FARSB: variants seen among roughly 807,000 people sequenced by gnomAD.
FARSB encodes the protein phenylalanine--tRNA ligase beta subunit.
FARSB carries 40 observed loss-of-function variants against 69.6 expected under a neutral mutation model. The observed-to-expected ratio is 0.57, with a 90% CI of 0.45 to 0.75. The LOEUF (loss-of-function observed/expected upper bound fraction) is 0.75, where lower values mean the gene tolerates loss of function less well. Among genes scored for constraint, FARSB ranks in the 30% least tolerant of loss-of-function variants. The pLI, the probability that FARSB is intolerant of heterozygous loss-of-function variation, is 0.00. For missense variants in FARSB, 632 were observed against 722.9 expected, an observed-to-expected ratio of 0.87 and a Z score of 1.44; for synonymous variants, 235 against 247.2, an observed-to-expected ratio of 0.95 and a Z score of 0.46.
intron 10 of FARSB, among the ~76,000 whole-genome samples, chr2:222,626,142 G>A (rs1417015674): frequency 2.0e-5 from 3 of 151,458 alleles, no homozygotes; most frequent in Admixed American, 6.6e-5. Flanking sequence ...CCAGCTACTC[G>A]GGAGGCTGAG....
chr2:222,600,148 C>A (rs1026153861), intron 15 of FARSB, 65 bp from the exon 16 acceptor site: 5 of 1,318,748 alleles, frequency 3.8e-6, no homozygotes, highest in Non-Finnish European at 5.1e-6. Flanking sequence ...TGATTTACCC[C>A]AGTACAAACT....
At chr2:222,613,629 G>C (rs778461813) in intron 15 of FARSB, among the ~76,000 whole-genome samples, 182 bp downstream of exon 15, 1 of 152,186 alleles carries the variant, frequency 6.6e-6, no homozygotes, top group Non-Finnish European at 1.5e-5. Context: ...AAAATAATAT[G>C]GGAAGTTGAT....
At chr2:222,587,535 CA>C (rs1475635887) in intron 16 of FARSB, among the ~76,000 whole-genome samples, 2 of 152,030 alleles carry the variant, frequency 1.3e-5, no homozygotes, top group African/African-American at 2.4e-5. Flanking sequence ...GCTAGAGACA[CA>C]AAAAACCCTT....
chr2:222,572,588 T>C (rs544127427), intron 16 of FARSB, among the ~76,000 whole-genome samples: 1 of 152,318 alleles, frequency 6.6e-6, no homozygotes, highest in East Asian at 1.9e-4. Flanking sequence ...TGACAGGCCA[T>C]GCTACCAGAA....
At chr2:222,594,819 G>A (rs1690368082) in intron 16 of FARSB, among the ~76,000 whole-genome samples, 1 of 152,196 alleles carries the variant, frequency 6.6e-6, no homozygotes, top group Non-Finnish European at 1.5e-5. Context: ...GTGAACATGA[G>A]TGGAGAGAAC....
intron 1 of FARSB, among the ~76,000 whole-genome samples, chr2:222,653,463 C>A (rs1028138435): frequency 6.6e-6 from 1 of 151,738 alleles, no homozygotes; most frequent in Non-Finnish European, 1.5e-5. Context: ...CAAGATGTAT[C>A]CATACTACTT....
chr2:222,622,167 G>A (rs1020459552), intron 13 of FARSB, among the ~76,000 whole-genome samples: 18 of 152,196 alleles, frequency 1.2e-4, no homozygotes, highest in Non-Finnish European at 1.5e-5. Flanking sequence ...TGTACACAAA[G>A]CCCTTGGCAC....
Position 222,648,856 on chromosome 2 carries a change from T to C in FARSB, c.59-61A>G, listed in dbSNP as rs114979274. ...CTGTTCAGTATAAGTGAAAACTACATACAAACTGCATTTTCTTATTACTAA... is the reference window on the plus strand; with the variant it reads ...CTGTTCAGTATAAGTGAAAACTACACACAAACTGCATTTTCTTATTACTAA... On this transcript the variant is annotated intron_variant, in intron 1 of 16. Coordinates refer to ENST00000281828, the MANE Select transcript of FARSB (RefSeq NM_005687.5). 2,514 of 1,064,696 alleles carry C rather than the reference T, an allele frequency of 2.4e-3. 41 individuals are homozygous for C. In the African/African-American group the frequency reaches 0.035, roughly 15 times the overall value. 66.0% of individuals were successfully genotyped at this position (1,064,696 alleles called of 1,614,324 possible). A position where few individuals can be genotyped will look rare whatever the true frequency, so the allele number is the denominator to read the frequency against.
At chr2:222,624,693 A>C in intron 11 of FARSB, 21 bp downstream of exon 11, 1 of 1,544,060 alleles carries the variant, frequency 6.5e-7, no homozygotes, top group Non-Finnish European at 8.9e-7. Flanking sequence ...TCTTGAATTA[A>C]GTGAAGTTTT....
intron 16 of FARSB, among the ~76,000 whole-genome samples, chr2:222,589,980 A>G (rs970860404): frequency 1.3e-5 from 2 of 152,192 alleles, no homozygotes; most frequent in African/African-American, 4.8e-5. Flanking sequence ...ATCTAGAACT[A>G]GAAATACCAT....
Position 222,628,905 on chromosome 2 carries a change from G to C in FARSB, c.849-17C>G. 6.3e-7 allele frequency: 1 copy of C among 1,597,780 alleles called. No individual in the cohort carries two copies. The highest frequency in any genetic ancestry group is 8.6e-7 in the Non-Finnish European group (1 of 1,168,294). On this transcript the variant is annotated splice_polypyrimidine_tract_variant and intron_variant, in intron 9 of 16. Coordinates refer to ENST00000281828, the MANE Select transcript of FARSB (RefSeq NM_005687.5). The stretch of plus-strand genomic sequence containing the variant: ...GCTTCGACCCTGAAAACAAAAGCCA[G>C]AAATAAAATACTTAAGAAAAAAATG...
intron 16 of FARSB, among the ~76,000 whole-genome samples, chr2:222,590,300 G>A (rs1003980637): frequency 1.3e-5 from 2 of 151,638 alleles, no homozygotes; most frequent in Admixed American, 6.6e-5. Context: ...TCACTCATAG[G>A]TAGGAATTGT....
chr2:222,584,543 A>G (rs1690057786), intron 16 of FARSB, among the ~76,000 whole-genome samples: 1 of 152,224 alleles, frequency 6.6e-6, no homozygotes, highest in Non-Finnish European at 1.5e-5. Context: ...AGGGCAGGGC[A>G]TCTCCTCACC....
chr2:222,643,037 T>A, intron 2 of FARSB, 32 bp from the exon 3 acceptor site: 1 of 1,371,022 alleles, frequency 7.3e-7, no homozygotes, highest in Non-Finnish European at 1.0e-6. Flanking sequence ...TGATAAAAAT[T>A]AAATAATTTA....
chr2:222,638,603 T>C (rs1160134807), intron 5 of FARSB, among the ~76,000 whole-genome samples: 1 of 152,186 alleles, frequency 6.6e-6, no homozygotes, highest in Admixed American at 6.5e-5. Context: ...AAAATGTTGC[T>C]ACTACCACAT....
In FARSB at chr2:222,642,927, T is replaced by A. The variant is rs757113549; in HGVS notation, c.193A>T (p.Ile65Phe). Residue 65 changes from isoleucine (I) to phenylalanine (F), a missense_variant, in exon 3 of 17, where the codon ATT becomes TTT. Transcript: ENST00000281828. ...AGASDVVLYK[I>F]DVPANRYDLL... ...TCATATCTATTGGCAGGGACGTCAA[T>A]TTTGTAAAGAACAACATCAGAGGCT... The A allele has an allele frequency of 9.3e-6, 15 of 1,612,872 alleles. No individual in the cohort carries two copies. Among genetic ancestry groups the A allele is most frequent in the African/African-American group, 2.7e-5 (2 of 74,932 alleles).
At chr2:222,596,666 G>C (rs1479301632) in intron 16 of FARSB, among the ~76,000 whole-genome samples, 1 of 152,150 alleles carries the variant, frequency 6.6e-6, no homozygotes, top group East Asian at 1.9e-4. Context: ...AAAGCTGTAT[G>C]TAAAATAACA....
Position 222,571,872 on chromosome 2 carries a change from C to G in FARSB, c.1769G>C (p.Ter590SerextTer7). Residue 590 changes from the stop codon to serine, a stop_lost, in exon 17 of 17, where the codon TGA (stop) becomes TCA (serine). Coordinates refer to ENST00000281828, the MANE Select transcript of FARSB (RefSeq NM_005687.5). ...GAATCACACCACAGAGACCAATCTT[C>G]ACAAAAAGGGTCCAACATTGATTTC... ...SLEINVGPFL[*>S] 6.2e-7 allele frequency: 1 copy of G among 1,611,988 alleles called. No individual in the cohort carries two copies. Among genetic ancestry groups the G allele is most frequent in the Non-Finnish European group, 8.5e-7 (1 of 1,178,988 alleles).
intron 15 of FARSB, among the ~76,000 whole-genome samples, chr2:222,600,885 TA>T (rs1421401117): frequency 6.6e-6 from 1 of 152,196 alleles, no homozygotes; most frequent in African/African-American, 2.4e-5. Context: ...GTGTACTTTG[TA>T]ATATTTTAAA....
Sources: allele counts gnomAD v4.1 joint callset (sites outside exome capture counted in the v4.1 genomes callset), GRCh38; gene constraint gnomAD v4.1.1; transcripts MANE v1.5; gene names NCBI Gene and HGNC (gene_info 2026-07-23, HGNC 2026-07-21).